Variants in ZNF804A observed in about 807,000 individuals in gnomAD.
ZNF804A encodes zinc finger protein 804A.
In ZNF804A, 2 loss-of-function variants were observed where a neutral mutation model predicts 16.5. That is an observed-to-expected ratio of 0.12 (90% CI 0.05 to 0.38). ZNF804A has a LOEUF of 0.38. Ranked by LOEUF, ZNF804A falls within the 10% of genes least tolerant of loss-of-function variation. The probability of loss-of-function intolerance (pLI) is 0.99; values close to 1 mark genes in which losing one functional copy is unlikely to be tolerated. For missense variants in ZNF804A, 1,473 were observed against 1,390.7 expected, an observed-to-expected ratio of 1.06 and a Z score of -0.94; for synonymous variants, 534 against 489.6, an observed-to-expected ratio of 1.09 and a Z score of -1.20.
intron 1 of ZNF804A, among the ~76,000 whole-genome samples, chr2:184,829,125 A>G (rs1037168236): frequency 6.6e-6 from 1 of 151,742 alleles, no homozygotes; most frequent in Non-Finnish European, 1.5e-5. Context: ...CACATGTATC[A>G]TATATTATTT....
At chr2:184,602,338 T>A (rs1448177363) in intron 1 of ZNF804A, among the ~76,000 whole-genome samples, 1 of 152,126 alleles carries the variant, frequency 6.6e-6, no homozygotes, top group East Asian at 1.9e-4. Flanking sequence ...TGTGATATAG[T>A]TTTAATTTCA....
At chr2:184,682,973 A>G (rs991415349) in intron 1 of ZNF804A, among the ~76,000 whole-genome samples, 15 of 152,192 alleles carry the variant, frequency 9.9e-5, no homozygotes, top group Admixed American at 3.9e-4. Context: ...GTGCCTCCGC[A>G]CTCCATGCTA....
At chr2:184,679,693 A>G (rs1692505453) in intron 1 of ZNF804A, among the ~76,000 whole-genome samples, 1 of 152,200 alleles carries the variant, frequency 6.6e-6, no homozygotes, top group African/African-American at 2.4e-5. Context: ...CAGTGCTGAC[A>G]TGACAGCTCC....
intron 1 of ZNF804A, among the ~76,000 whole-genome samples, chr2:184,685,078 G>A (rs187577507): frequency 1.3e-5 from 2 of 152,168 alleles, no homozygotes; most frequent in East Asian, 3.9e-4. Flanking sequence ...CATGTAGTGG[G>A]GAGGAGTATG....
intron 2 of ZNF804A, among the ~76,000 whole-genome samples, chr2:184,878,533 C>T (rs1684752822): frequency 1.3e-5 from 2 of 151,872 alleles, no homozygotes; most frequent in Non-Finnish European, 2.9e-5. Context: ...CCTCGGCATG[C>T]CCTCAAACAA....
At chr2:184,706,879 T>C (rs1693038797) in intron 1 of ZNF804A, among the ~76,000 whole-genome samples, 1 of 152,200 alleles carries the variant, frequency 6.6e-6, no homozygotes, top group South Asian at 2.1e-4. Context: ...TTCTACAAAA[T>C]AGAATTAAAA....
At chr2:184,747,504 A>C (rs1222998387) in intron 1 of ZNF804A, among the ~76,000 whole-genome samples, 1 of 151,048 alleles carries the variant, frequency 6.6e-6, no homozygotes, top group Non-Finnish European at 1.5e-5. Flanking sequence ...TAAATTGATC[A>C]CACCGTTATG....
chr2:184,752,976 C>T (rs1035482266), intron 1 of ZNF804A, among the ~76,000 whole-genome samples: 3 of 151,134 alleles, frequency 2.0e-5, no homozygotes, highest in African/African-American at 4.9e-5. Context: ...TGGTGAAAAT[C>T]GGGGAAAAGG....
intron 2 of ZNF804A, among the ~76,000 whole-genome samples, chr2:184,870,623 A>G (rs903558344): frequency 2.0e-5 from 3 of 152,194 alleles, no homozygotes; most frequent in East Asian, 1.9e-4. Flanking sequence ...TTAAAAAAAT[A>G]CACAATTTAG....
chr2:184,932,520 C>A (rs1032167803), intron 2 of ZNF804A, among the ~76,000 whole-genome samples: 3 of 152,044 alleles, frequency 2.0e-5, no homozygotes, highest in Non-Finnish European at 2.9e-5. Flanking sequence ...AAAGACCCGC[C>A]CCCATGATTC....
intron 1 of ZNF804A, among the ~76,000 whole-genome samples, chr2:184,635,594 G>A (rs192197334): frequency 1.3e-4 from 19 of 151,996 alleles, no homozygotes; most frequent in African/African-American, 4.6e-4. Flanking sequence ...AAGCTCAATG[G>A]GGATTGATTA....
intron 2 of ZNF804A, among the ~76,000 whole-genome samples, chr2:184,887,304 A>AT (rs1462439520): frequency 2.0e-5 from 3 of 152,176 alleles, no homozygotes; most frequent in Admixed American, 1.3e-4. Context: ...TATTGTACAT[A>AT]TTGCTATCAG....
chr2:184,615,920 G>A (rs1311714390), intron 1 of ZNF804A, among the ~76,000 whole-genome samples: 1 of 152,140 alleles, frequency 6.6e-6, no homozygotes, highest in South Asian at 2.1e-4. Flanking sequence ...TGGGCCTGAA[G>A]ATCCAGCTAT....
chr2:184,674,449 G>T (rs1692388505), intron 1 of ZNF804A, among the ~76,000 whole-genome samples: 2 of 151,840 alleles, frequency 1.3e-5, no homozygotes, highest in African/African-American at 4.8e-5. Flanking sequence ...AAGAGAACAT[G>T]ATTTTTTGCA....
chr2:184,603,355 G>T (rs906761129), intron 1 of ZNF804A, among the ~76,000 whole-genome samples: 1 of 152,096 alleles, frequency 6.6e-6, no homozygotes, highest in Non-Finnish European at 1.5e-5. Flanking sequence ...CACTCAGGAC[G>T]TTGTCATGTG....
In ZNF804A at chr2:184,937,839, A is replaced by G; in HGVS notation, c.2443A>G (p.Lys815Glu). Residue 815 changes from lysine to glutamate, a missense_variant, in exon 4 of 4, where the codon AAA becomes GAA. Transcript: ENST00000302277. ...CAAGCCTAAAAAGAAACGGAGGCGA[A>G]AAAGAGGCAGATTCCACCCCGGATT... is the stretch of plus-strand genomic sequence containing the variant. ...PCKPKKKRRR[K>E]RGRFHPGFET... 1 of 1,614,160 alleles carries G rather than the reference A, an allele frequency of 6.2e-7. No homozygotes were observed. Among genetic ancestry groups the G allele is most frequent in the East Asian group, 2.2e-5 (1 of 44,880 alleles).
intron 1 of ZNF804A, among the ~76,000 whole-genome samples, chr2:184,737,130 C>G (rs1172280717): frequency 1.3e-5 from 2 of 151,462 alleles, no homozygotes; most frequent in Non-Finnish European, 2.9e-5. Context: ...GATCTCGGCT[C>G]ACTGCAAGCT....
intron 1 of ZNF804A, among the ~76,000 whole-genome samples, chr2:184,660,007 AGGCTG>A (rs1692143971): frequency 6.6e-6 from 1 of 152,136 alleles, no homozygotes; most frequent in Non-Finnish European, 1.5e-5. Flanking sequence ...CCTACTCCGA[AGGCTG>A]AAGCAGAAGG....
chr2:184,740,526 T>C (rs998504415), intron 1 of ZNF804A, among the ~76,000 whole-genome samples: 9 of 152,184 alleles, frequency 5.9e-5, no homozygotes, highest in African/African-American at 2.2e-4. Flanking sequence ...TTATTAGTTT[T>C]TTCAAAATTA....
Sources: gnomAD v4.1 joint callset for allele counts (sites outside exome capture counted in the v4.1 genomes callset) on GRCh38, gnomAD v4.1.1 for gene constraint, MANE v1.5 for transcripts, NCBI Gene and HGNC (gene_info 2026-07-23, HGNC 2026-07-21) for gene names.